STON1: variants seen among roughly 807,000 people sequenced by gnomAD.
STON1 encodes the protein stonin 1, also known as stonin-1.
In STON1, 79 loss-of-function variants were observed where a neutral mutation model predicts 60.9. The observed-to-expected ratio is 1.30, with a 90% CI of 1.08 to 1.56. The LOEUF (loss-of-function observed/expected upper bound fraction) is 1.56. Ranked by LOEUF, STON1 falls within the 40% of genes most tolerant of loss-of-function variation. The probability of loss-of-function intolerance (pLI) is 0.00; values close to 1 mark genes in which losing one functional copy is unlikely to be tolerated. For missense variants in STON1, 1,166 were observed against 858.9 expected, an observed-to-expected ratio of 1.36 and a Z score of -4.47; for synonymous variants, 363 against 306.9, an observed-to-expected ratio of 1.18 and a Z score of -1.91.
At chr2:48,594,646 G>A (rs995019094) in intron 3 of STON1, among the ~76,000 whole-genome samples, 1 of 152,178 alleles carries the variant, frequency 6.6e-6, no homozygotes, top group Non-Finnish European at 1.5e-5. Context: ...GAGAGTGACT[G>A]GAGGGCTTTA....
rs1405803315 is a variant in STON1 at position 48,581,087 on chromosome 2, CCAGATGAAGTTAATCCTCAA to C, written c.458_477del (p.Asp153GlyfsTer2). 2 of 1,601,348 alleles carry C rather than the reference CCAGATGAAGTTAATCCTCAA, an allele frequency of 1.2e-6. No individual in the cohort carries two copies. The highest frequency in any genetic ancestry group is 1.7e-6 in the Non-Finnish European group (2 of 1,175,292). ...ACATCCAACTCCCAAAGTAGGTCTTCCAGATGAAGTTAATCCTCAACAGGCTGAAAGCCTAGGATTCCAAA... is the reference window on the plus strand; with the variant it reads ...ACATCCAACTCCCAAAGTAGGTCTTCCAGGCTGAAAGCCTAGGATTCCAAA... On this transcript the variant is annotated frameshift_variant, in exon 2 of 4. Transcript: ENST00000404752. LOFTEE classifies it high-confidence loss of function.
In STON1 at chr2:48,530,184, G is replaced by C; in HGVS notation, c.-80G>C. 1 of 406,266 alleles carries C rather than the reference G, an allele frequency of 2.5e-6. No individual in the cohort carries two copies. Among genetic ancestry groups the C allele is most frequent in the Non-Finnish European group, 4.9e-6 (1 of 204,950 alleles). The allele number at this position is 406,266 out of a possible 1,614,324, so 25.2% of individuals were successfully genotyped here. On this transcript the variant is annotated 5_prime_UTR_variant, in exon 1 of 4. Transcript: ENST00000404752. ...CCTCCGCCTCCTGGTGTGGCTGGCT[G>C]CGGCCAGAATCGGAGCCCCAACCGC...
intron 1 of STON1, among the ~76,000 whole-genome samples, chr2:48,532,379 TAAA>T (rs745867208): frequency 7.0e-6 from 1 of 143,096 alleles, no homozygotes; most frequent in Non-Finnish European, 1.5e-5. Flanking sequence ...AATAAATAAA[TAAA>T]TAAATAATTG....
chr2:48,542,801 G>T (rs1572928352), intron 1 of STON1, among the ~76,000 whole-genome samples: 1 of 152,016 alleles, frequency 6.6e-6, no homozygotes. Flanking sequence ...CTACTCAGGA[G>T]GCTGAGGCAC....
rs1672799781 is a variant in STON1 at position 48,564,492 on chromosome 2, CTTCTTCTTCTT to C, written c.-47-16094_-47-16084del. ...CTTCTTCTTCTTCTTTCTTCTTCTTCTTCTTCTTCTTCTTCTTCTTCTTCTTCTTCTTCTTC... is the reference window on the plus strand; with the variant it reads ...CTTCTTCTTCTTCTTTCTTCTTCTTCCTTCTTCTTCTTCTTCTTCTTCTTC... On this transcript the variant is annotated intron_variant, in intron 1 of 3. Transcript: ENST00000404752. Among the ~76,000 whole-genome samples the C allele has an allele frequency of 8.1e-5, 2 of 24,624 alleles. 1 individual carries two copies. Among genetic ancestry groups the C allele is most frequent in the African/African-American group, 3.7e-4 (2 of 5,466 alleles). The allele number at this position is 24,624 out of a possible 152,430, so 16.2% of individuals were successfully genotyped here.
At chr2:48,543,820 C>G (rs948744090) in intron 1 of STON1, among the ~76,000 whole-genome samples, 27 of 152,140 alleles carry the variant, frequency 1.8e-4, no homozygotes, top group African/African-American at 6.0e-4. Context: ...GCGTGAGCCA[C>G]CACTCCCGAC....
chr2:48,560,461 G>C (rs1177868442), intron 1 of STON1, among the ~76,000 whole-genome samples: 1 of 152,194 alleles, frequency 6.6e-6, no homozygotes, highest in Non-Finnish European at 1.5e-5. Context: ...TTCCACTGAA[G>C]AGCCCACAGA....
intron 1 of STON1, among the ~76,000 whole-genome samples, chr2:48,553,982 G>C (rs978115111): frequency 6.6e-6 from 1 of 152,236 alleles, no homozygotes; most frequent in African/African-American, 2.4e-5. Context: ...AAGGACTTCT[G>C]TGTGCTGTGA....
chr2:48,533,116 G>A (rs1416132805), intron 1 of STON1, among the ~76,000 whole-genome samples: 1 of 152,126 alleles, frequency 6.6e-6, no homozygotes, highest in Non-Finnish European at 1.5e-5. Flanking sequence ...GGGCGCGGTG[G>A]CTTCCGCTTG....
rs185739170 is a variant in STON1, at chr2:48,552,591, C to T, written c.-48+22375C>T. On this transcript the variant is annotated intron_variant, in intron 1 of 3. Coordinates refer to ENST00000404752, the MANE Select transcript of STON1 (RefSeq NM_006873.4). ...CAGCCTTGCCAACATGGTGAGAGCC[C>T]GTCTCTACTAAAAATACAAAAAAAA... is the stretch of plus-strand genomic sequence containing the variant. 7.0e-3 allele frequency among the ~76,000 whole-genome samples: 1,058 copies of T among 151,688 alleles called. 6 individuals carry two copies. The highest frequency in any genetic ancestry group is 0.011 in the Non-Finnish European group (725 of 67,902).
Position 48,591,672 on chromosome 2 carries a change from T to C in STON1, c.1950T>C (p.Cys650=), listed in dbSNP as rs759961723. 1.1e-5 allele frequency: 17 copies of C among 1,613,972 alleles called. No homozygotes were observed. The Admixed American group carries it at 2.8e-4, about 27-fold the overall frequency. Residue 650 remains cysteine, a synonymous_variant, in exon 3 of 4, where the codon TGT becomes TGC. Transcript: ENST00000404752. ...CTCGAGGTCTAGATCATCCCCATTG[T>C]CTGTCATACAAATTAGAGCTTGGAT... ...DKNSSLDHPH[C]LSYKLELGSD... is the part of the protein sequence containing the mutation.
chr2:48,578,562 C>G (rs1415075941), intron 1 of STON1, among the ~76,000 whole-genome samples: 1 of 138,724 alleles, frequency 7.2e-6, no homozygotes, highest in African/African-American at 2.6e-5. Context: ...CCTCCTTCTC[C>G]TCCTCCTCCT....
At chr2:48,585,181 T>C (rs1674136811) in intron 2 of STON1, among the ~76,000 whole-genome samples, 1 of 152,174 alleles carries the variant, frequency 6.6e-6, no homozygotes, top group Non-Finnish European at 1.5e-5. Flanking sequence ...TGATCAACTC[T>C]GCTGTGATGG....
At chr2:48,577,356 G>A (rs1417173216) in intron 1 of STON1, among the ~76,000 whole-genome samples, 6 of 151,958 alleles carry the variant, frequency 3.9e-5, no homozygotes, top group African/African-American at 1.4e-4. Flanking sequence ...GCCGAGGTGG[G>A]CAGATCACGA....
intron 1 of STON1, among the ~76,000 whole-genome samples, chr2:48,543,839 C>T (rs1281974812): frequency 1.3e-5 from 2 of 152,096 alleles, no homozygotes; most frequent in Non-Finnish European, 2.9e-5. Flanking sequence ...ACAACGATAA[C>T]ATTTTAAATG....
intron 1 of STON1, among the ~76,000 whole-genome samples, chr2:48,535,459 A>G (rs909354963): frequency 2.6e-5 from 4 of 152,126 alleles, no homozygotes; most frequent in Non-Finnish European, 4.4e-5. Context: ...GGGATCACTC[A>G]TCCATTCTCT....
rs1024235493 is a variant in STON1 at position 48,564,401 on chromosome 2, C to T, written c.-47-16186C>T. Among the ~76,000 whole-genome samples the T allele has an allele frequency of 3.1e-4, 45 of 146,774 alleles. 1 individual carries two copies. The highest frequency in any genetic ancestry group is 5.6e-4 in the Non-Finnish European group (37 of 66,646). Reference sequence around the variant, plus strand: ...GAGCTAGGTCCTCCAGTGGCAGTGGCGGTGTCTTCTTCTTCTTCTTCTTCT... The same window carrying T: ...GAGCTAGGTCCTCCAGTGGCAGTGGTGGTGTCTTCTTCTTCTTCTTCTTCT... On this transcript the variant is annotated intron_variant, in intron 1 of 3. Transcript: ENST00000404752.
intron 1 of STON1, among the ~76,000 whole-genome samples, chr2:48,554,422 C>T (rs1304368478): frequency 6.6e-6 from 1 of 152,036 alleles, no homozygotes; most frequent in Non-Finnish European, 1.5e-5. Flanking sequence ...GGGGTTTTAC[C>T]ACGTTGGCCA....
At chr2:48,591,578 A>AGTG (rs1674514593) in intron 2 of STON1, 75 bp from the exon 3 acceptor site, 1 of 1,552,828 alleles carries the variant, frequency 6.4e-7, no homozygotes. Context: ...GAGAGAGATG[A>AGTG]GTGCCTTTTA....
Sources: allele counts gnomAD v4.1 joint callset (sites outside exome capture counted in the v4.1 genomes callset), GRCh38; gene constraint gnomAD v4.1.1; transcripts MANE v1.5; gene names NCBI Gene and HGNC (gene_info 2026-07-23, HGNC 2026-07-21).